Variants in UBE2H observed in about 807,000 individuals in gnomAD.
The protein encoded by UBE2H is ubiquitin-conjugating enzyme E2 H.
Under a neutral mutation model 29.0 loss-of-function variants are expected in UBE2H, and 3 were observed. That is an observed-to-expected ratio of 0.10 (90% CI 0.05 to 0.27). UBE2H has a LOEUF of 0.27. Among genes scored for constraint, UBE2H ranks in the 10% least tolerant of loss-of-function variants. UBE2H has a pLI of 1.00. For missense variants in UBE2H, 68 were observed against 228.2 expected (o/e 0.30, Z 4.52); for synonymous variants, 69 against 82.9 (o/e 0.83, Z 0.91).
chr7:129,907,188 T>TTTA (rs2116437598), intron 1 of UBE2H, among the ~76,000 whole-genome samples: 1 of 152,200 alleles, frequency 6.6e-6, no homozygotes, highest in South Asian at 2.1e-4. Flanking sequence ...TCCTACCCCA[T>TTTA]CATAGTTTAC....
chr7:129,905,575 C>CCCCTTCCCAACAAAGGA (rs1806799063), intron 1 of UBE2H, among the ~76,000 whole-genome samples: 1 of 152,130 alleles, frequency 6.6e-6, no homozygotes, highest in African/African-American at 2.4e-5. Flanking sequence ...GCAGGGGAGT[C>CCCCTTCCCAACAAAGGA]CCCTTCCCAA....
rs537778344 is a variant in UBE2H at position 129,935,616 on chromosome 7, C to T, written c.53+16887G>A. ...AAGAAAAGATGCAATGCCATCTAATCTATTGTTGTAGAGAGGTACCAGAAC... is the reference window on the plus strand; with the variant it reads ...AAGAAAAGATGCAATGCCATCTAATTTATTGTTGTAGAGAGGTACCAGAAC... On this transcript the variant is annotated intron_variant, in intron 1 of 6. Coordinates refer to ENST00000355621, the MANE Select transcript of UBE2H (RefSeq NM_003344.4). Among the ~76,000 whole-genome samples, 236 of 152,214 alleles carry T rather than the reference C, an allele frequency of 1.6e-3. 1 individual carries two copies. Among genetic ancestry groups the T allele is most frequent in the African/African-American group, 5.3e-3 (221 of 41,528 alleles).
chr7:129,890,698 G>A (rs1483977453), intron 1 of UBE2H, among the ~76,000 whole-genome samples: 7 of 152,120 alleles, frequency 4.6e-5, no homozygotes. Context: ...ATGGCAAAGT[G>A]AAACACAGGA....
At chr7:129,902,029 C>A (rs1418937243) in intron 1 of UBE2H, among the ~76,000 whole-genome samples, 1 of 152,146 alleles carries the variant, frequency 6.6e-6, no homozygotes. Flanking sequence ...CAACAGACAA[C>A]ATTAAGTGTT....
intron 1 of UBE2H, among the ~76,000 whole-genome samples, chr7:129,905,947 T>C (rs896649244): frequency 2.0e-5 from 3 of 151,806 alleles, no homozygotes; most frequent in Admixed American, 6.6e-5. Context: ...CCTGGGCCAC[T>C]GAGCGAGACA....
intron 1 of UBE2H, among the ~76,000 whole-genome samples, chr7:129,926,297 GTCAGGA>G (rs1436868441): frequency 1.3e-5 from 2 of 151,880 alleles, no homozygotes; most frequent in African/African-American, 4.8e-5. Context: ...ATCACCTGAG[GTCAGGA>G]GTTCGAGACC....
At chr7:129,927,779 T>C (rs1807300957) in intron 1 of UBE2H, among the ~76,000 whole-genome samples, 2 of 152,036 alleles carry the variant, frequency 1.3e-5, no homozygotes. Context: ...TTCATAGAAA[T>C]GGAGCAGAAT....
At position 129,867,724 on chromosome 7, in the gene UBE2H, C is replaced by CAAAAAAAAAAAAAAAAAAAAAAAAAAA. The variant is rs1473451530; in HGVS notation, c.206-8784_206-8783insTTTTTTTTTTTTTTTTTTTTTTTTTTT. On this transcript the variant is annotated intron_variant, in intron 3 of 6. Transcript: ENST00000355621. ...TAAAAAAAAAAAAAAAAAAGAAAAC[C>CAAAAAAAAAAAAAAAAAAAAAAAAAAA]AAAAAAAAAAAAAAAAAAGAAGACC... 9.9e-4 allele frequency among the ~76,000 whole-genome samples: 31 copies of CAAAAAAAAAAAAAAAAAAAAAAAAAAA among 31,192 alleles called. 1 individual carries two copies. The highest frequency in any genetic ancestry group is 1.3e-3 in the Admixed American group (3 of 2,334). 20.5% of individuals were successfully genotyped at this position (31,192 alleles called of 152,430 possible).
intron 1 of UBE2H, among the ~76,000 whole-genome samples, chr7:129,883,261 T>C (rs1256159495): frequency 6.6e-6 from 1 of 152,218 alleles, no homozygotes; most frequent in Non-Finnish European, 1.5e-5. Flanking sequence ...TATGAAGTTA[T>C]TTTTTTAAAA....
At chr7:129,880,726 G>A (rs778158971) in intron 2 of UBE2H, among the ~76,000 whole-genome samples, 169 bp downstream of exon 2, 1 of 152,144 alleles carries the variant, frequency 6.6e-6, no homozygotes, top group Non-Finnish European at 1.5e-5. Context: ...ATCAAGGGAT[G>A]ACTGTATATA....
chr7:129,952,269 T>C (rs1334192881), intron 1 of UBE2H, among the ~76,000 whole-genome samples: 1 of 151,912 alleles, frequency 6.6e-6, no homozygotes, highest in African/African-American at 2.4e-5. Flanking sequence ...GCTCTGGGGA[T>C]ACAGGAAGAG....
intron 3 of UBE2H, among the ~76,000 whole-genome samples, chr7:129,877,909 C>T (rs930059536): frequency 6.6e-6 from 1 of 152,176 alleles, no homozygotes; most frequent in Non-Finnish European, 1.5e-5. Context: ...TCTATTGTTT[C>T]CTTTCTGACT....
chr7:129,879,776 T>C (rs1806218053), intron 2 of UBE2H, 134 bp from the exon 3 acceptor site: 1 of 717,234 alleles, frequency 1.4e-6, no homozygotes. Flanking sequence ...AGGGACCTAC[T>C]ACAATCAATA....
chr7:129,952,472 C>A (rs760356676), intron 1 of UBE2H, 31 bp downstream of exon 1: 11 of 1,610,390 alleles, frequency 6.8e-6, no homozygotes, highest in South Asian at 1.1e-5. Context: ...GCCCCCCACA[C>A]ACAGCCCGAA....
chr7:129,931,371 G>C (rs1807393082), intron 1 of UBE2H, among the ~76,000 whole-genome samples: 1 of 151,934 alleles, frequency 6.6e-6, no homozygotes, highest in African/African-American at 2.4e-5. Flanking sequence ...CTGGGCAACA[G>C]AGTAAGACTC....
At chr7:129,890,362 T>C (rs1034040470) in intron 1 of UBE2H, among the ~76,000 whole-genome samples, 1 of 151,768 alleles carries the variant, frequency 6.6e-6, no homozygotes, top group Non-Finnish European at 1.5e-5. Flanking sequence ...TATATACACA[T>C]ATATATACAC....
intron 3 of UBE2H, among the ~76,000 whole-genome samples, chr7:129,874,584 C>T (rs886487266): frequency 6.6e-5 from 10 of 152,198 alleles, no homozygotes; most frequent in Non-Finnish European, 1.5e-4. Context: ...GTTGGGATTA[C>T]TGGCGTGAGC....
chr7:129,851,121 C>T (rs1563022017), intron 5 of UBE2H, among the ~76,000 whole-genome samples: 1 of 152,152 alleles, frequency 6.6e-6, no homozygotes, highest in East Asian at 1.9e-4. Context: ...TTCCCCCCAA[C>T]ATATTTAAAC....
At chr7:129,836,975 G>A (rs998590295) in intron 6 of UBE2H, among the ~76,000 whole-genome samples, 2 of 148,118 alleles carry the variant, frequency 1.4e-5, no homozygotes, top group Non-Finnish European at 3.0e-5. Context: ...AGGCAAAGAT[G>A]TCACCCAGCA....
Sources: allele counts gnomAD v4.1 joint callset (sites outside exome capture counted in the v4.1 genomes callset), GRCh38; gene constraint gnomAD v4.1.1; transcripts MANE v1.5; gene names NCBI Gene and HGNC (gene_info 2026-07-23, HGNC 2026-07-21).